The following DPYD variants were observed in gnomAD, a reference collection of about 807,000 sequenced individuals.
DPYD encodes dihydropyrimidine dehydrogenase [NADP(+)].
DPYD carries 109 observed loss-of-function variants against 116.2 expected under a neutral mutation model. The observed-to-expected ratio is 0.94, with a 90% CI of 0.80 to 1.10. DPYD has a LOEUF of 1.10. Among genes scored for constraint, DPYD ranks in the 50% least tolerant of loss-of-function variants. DPYD has a pLI of 0.00. For synonymous variants in DPYD, 440 were observed against 432.0 expected (o/e 1.02, Z -0.23); for missense variants, 1,302 against 1,254.5 (o/e 1.04, Z -0.57).
chr1:97,185,998 G>A (rs192654891), intron 20 of DPYD, among the ~76,000 whole-genome samples: 14 of 152,278 alleles, frequency 9.2e-5, no homozygotes, highest in Admixed American at 5.2e-4. Flanking sequence ...GGGAAAATAA[G>A]TGGCATAGAA....
intron 3 of DPYD, among the ~76,000 whole-genome samples, chr1:97,806,952 A>G (rs1045572156): frequency 1.3e-5 from 2 of 151,998 alleles, no homozygotes; most frequent in African/African-American, 4.8e-5. Flanking sequence ...ATTTAGTAAT[A>G]AGCATTTAAC....
At chr1:97,313,854 T>G (rs926824905) in intron 16 of DPYD, among the ~76,000 whole-genome samples, 3 of 151,992 alleles carry the variant, frequency 2.0e-5, no homozygotes, top group Non-Finnish European at 1.5e-5. Context: ...TCTACTAGAC[T>G]ATTAGTCTTT....
At chr1:97,257,452 T>TATATATATATAG (rs375490078) in intron 18 of DPYD, among the ~76,000 whole-genome samples, 205 of 126,446 alleles carry the variant, frequency 1.6e-3, no homozygotes, top group African/African-American at 6.1e-3. Context: ...TATATATATA[T>TATATATATATAG]AGAGAGAGAG....
intron 1 of DPYD, among the ~76,000 whole-genome samples, chr1:97,912,678 A>T (rs1674010524): frequency 6.6e-6 from 1 of 152,144 alleles, no homozygotes; most frequent in Non-Finnish European, 1.5e-5. Context: ...ATAAAGCATA[A>T]TAAAAGTTAA....
intron 20 of DPYD, among the ~76,000 whole-genome samples, chr1:97,132,457 T>C (rs1200281877): frequency 8.5e-5 from 13 of 152,148 alleles, no homozygotes; most frequent in Non-Finnish European, 1.5e-5. Context: ...AGCTCCATAT[T>C]TCTAATATAA....
At chr1:97,693,572 T>G (rs977684887) in intron 6 of DPYD, among the ~76,000 whole-genome samples, 1 of 152,166 alleles carries the variant, frequency 6.6e-6, no homozygotes, top group African/African-American at 2.4e-5. Flanking sequence ...AACTATGGAC[T>G]GTATGTGGAC....
At chr1:97,716,901 C>T (rs559885694) in intron 5 of DPYD, among the ~76,000 whole-genome samples, 96 of 151,962 alleles carry the variant, frequency 6.3e-4, no homozygotes, top group Non-Finnish European at 1.1e-3. Flanking sequence ...TACATTTTAT[C>T]AATTACATGA....
In DPYD at chr1:97,418,858, G is replaced by T. The variant is rs558417855; in HGVS notation, c.1905+31201C>A. 4.6e-5 allele frequency among the ~76,000 whole-genome samples: 7 copies of T among 152,202 alleles called. No individual in the cohort carries two copies. In the South Asian group the frequency reaches 1.0e-3, roughly 23 times the overall value. ...AGACTAAATTGCATTAATGGACACA[G>T]GTTTCAGCCAAAGCCTAGAAGCAAT... On this transcript the variant is annotated intron_variant, in intron 14 of 22. Coordinates refer to ENST00000370192, the MANE Select transcript of DPYD (RefSeq NM_000110.4).
intron 8 of DPYD, among the ~76,000 whole-genome samples, chr1:97,672,602 T>C (rs949320613): frequency 6.6e-6 from 1 of 152,202 alleles, no homozygotes; most frequent in African/African-American, 2.4e-5. Context: ...TAGTTGTGGA[T>C]AGTGACTAAA....
At chr1:97,515,977 C>T in intron 12 of DPYD, 36 bp from the exon 13 acceptor site, 1 of 1,568,086 alleles carries the variant, frequency 6.4e-7, no homozygotes, top group Non-Finnish European at 8.8e-7. Flanking sequence ...TTTCATATTA[C>T]ATCTAAATTG....
chr1:97,520,441 C>T (rs1191997391), intron 12 of DPYD, among the ~76,000 whole-genome samples: 1 of 152,114 alleles, frequency 6.6e-6, no homozygotes, highest in African/African-American at 2.4e-5. Context: ...CACCTATACA[C>T]TTTTCTGAAG....
At chr1:97,719,569 G>A (rs971080584) in intron 5 of DPYD, among the ~76,000 whole-genome samples, 2 of 151,618 alleles carry the variant, frequency 1.3e-5, no homozygotes, top group Non-Finnish European at 2.9e-5. Context: ...ATAACATTTC[G>A]CATTTTGTAC....
At position 97,337,106 on chromosome 1, in the gene DPYD, T is replaced by C. The variant is rs183024804; in HGVS notation, c.2059-30809A>G. 3.7e-3 allele frequency among the ~76,000 whole-genome samples: 570 copies of C among 152,074 alleles called. 9 individuals are homozygous for C. The highest frequency in any genetic ancestry group is 0.013 in the African/African-American group (529 of 41,488). On this transcript the variant is annotated intron_variant, in intron 16 of 22. Transcript: ENST00000370192. The stretch of plus-strand genomic sequence containing the variant: ...CCAGAAAGGAAGGAATGATGAAAAA[T>C]AGACAAGTGTATTGAGAGGGTGGCA...
At chr1:97,286,609 T>A (rs1364180755) in intron 18 of DPYD, among the ~76,000 whole-genome samples, 1 of 152,144 alleles carries the variant, frequency 6.6e-6, no homozygotes, top group East Asian at 1.9e-4. Context: ...CTTGGAGGCT[T>A]TGTTCATTTC....
chr1:97,827,995 AT>A lies in DPYD; in HGVS notation c.233+118del. On this transcript the variant is annotated intron_variant, in intron 3 of 22. Transcript: ENST00000370192. ...TCAAGGGAAGTCTCTCCACTGACAA[AT>A]TAATACCTTAGAGAACAGAGCTGAA... 3 of 1,008,058 alleles carry A rather than the reference AT, an allele frequency of 3.0e-6. No individual in the cohort carries two copies. The South Asian group carries it at 4.1e-5, about 14-fold the overall frequency. 62.4% of individuals were successfully genotyped at this position (1,008,058 alleles called of 1,614,324 possible). A position where few individuals can be genotyped will look rare whatever the true frequency, so the allele number is the denominator to read the frequency against.
chr1:97,208,210 CTTT>C (rs1659787296), intron 19 of DPYD, among the ~76,000 whole-genome samples: 3 of 145,306 alleles, frequency 2.1e-5, no homozygotes, highest in African/African-American at 7.6e-5. Context: ...CCTCTTTCTT[CTTT>C]CTCTTTGTTT....
At chr1:97,779,209 CAAGT>C (rs1666589408) in intron 3 of DPYD, among the ~76,000 whole-genome samples, 1 of 151,980 alleles carries the variant, frequency 6.6e-6, no homozygotes, top group African/African-American at 2.4e-5. Context: ...TACATGCTGG[CAAGT>C]AACCTAAAAT....
intron 8 of DPYD, among the ~76,000 whole-genome samples, chr1:97,651,389 T>C (rs1309700275): frequency 1.3e-5 from 2 of 152,176 alleles, no homozygotes; most frequent in African/African-American, 4.8e-5. Flanking sequence ...TTGCATCTCA[T>C]TTATTTTATT....
intron 18 of DPYD, among the ~76,000 whole-genome samples, chr1:97,294,042 C>G (rs1666374527): frequency 6.6e-6 from 1 of 152,004 alleles, no homozygotes; most frequent in Admixed American, 6.6e-5. Flanking sequence ...CTACTATGTC[C>G]CTGAAACTTT....
Sources: allele counts gnomAD v4.1 joint callset (sites outside exome capture counted in the v4.1 genomes callset), GRCh38; gene constraint gnomAD v4.1.1; transcripts MANE v1.5; gene names NCBI Gene and HGNC (gene_info 2026-07-23, HGNC 2026-07-21).